Variants in NACC2 observed in about 807,000 individuals in gnomAD.
The protein encoded by NACC2 is nucleus accumbens-associated protein 2.
In NACC2, 8 loss-of-function variants were observed where a neutral mutation model predicts 25.1. That is an observed-to-expected ratio of 0.32 (90% CI 0.19 to 0.57). NACC2 has a LOEUF of 0.57. Ranked by LOEUF, NACC2 falls within the 20% of genes least tolerant of loss-of-function variation. The pLI is 0.89. For synonymous variants in NACC2, 435 were observed against 294.7 expected, an observed-to-expected ratio of 1.48 and a Z score of -4.88; for missense variants, 644 against 650.2, an observed-to-expected ratio of 0.99 and a Z score of 0.10.
intron 2 of NACC2, among the ~76,000 whole-genome samples, chr9:136,024,705 C>A (rs1215656627): frequency 6.6e-6 from 1 of 152,136 alleles, no homozygotes; most frequent in Non-Finnish European, 1.5e-5. Flanking sequence ...ACTTTTAAAA[C>A]GCCCCAGAGA....
At chr9:136,016,064 G>A (rs1205026490) in intron 3 of NACC2, among the ~76,000 whole-genome samples, 1 of 152,152 alleles carries the variant, frequency 6.6e-6, no homozygotes, top group Non-Finnish European at 1.5e-5. Flanking sequence ...ACCAGCCCAG[G>A]GGATTCAATT....
In NACC2 at chr9:136,084,429, C is replaced by T. The variant is rs981512321; in HGVS notation, c.-60+10760G>A. On this transcript the variant is annotated intron_variant, in intron 1 of 5. Transcript: ENST00000277554. This position sits in a 1 kb window ranked among gnomAD's most constrained non-coding sequence, Gnocchi z 5.1. Reference sequence around the variant, plus strand: ...TGTCCGGTCTCCGCTGGTGGGGCAACGTCCAAGAAGGCGGTATCTCTGACG... The same window carrying T: ...TGTCCGGTCTCCGCTGGTGGGGCAATGTCCAAGAAGGCGGTATCTCTGACG... Among the ~76,000 whole-genome samples, 2 of 152,148 alleles carry T rather than the reference C, an allele frequency of 1.3e-5. No homozygotes were observed. Among genetic ancestry groups the T allele is most frequent in the African/African-American group, 4.8e-5 (2 of 41,426 alleles).
chr9:136,084,592 C>T lies in NACC2; in HGVS notation c.-60+10597G>A, dbSNP rs1385974906. Among the ~76,000 whole-genome samples, 2 of 152,222 alleles carry T rather than the reference C, an allele frequency of 1.3e-5. No homozygotes were observed. The highest frequency in any genetic ancestry group is 2.9e-5 in the Non-Finnish European group (2 of 68,032). ...TGGAAAGGCCACAGAATACACCAGG[C>T]TGGAAGAGCCCAGAGACACAGCAAG... On this transcript the variant is annotated intron_variant, in intron 1 of 5. Coordinates refer to ENST00000277554, the MANE Select transcript of NACC2 (RefSeq NM_144653.5). This position sits in a 1 kb window ranked among gnomAD's most constrained non-coding sequence, Gnocchi z 5.1.
intron 1 of NACC2, among the ~76,000 whole-genome samples, chr9:136,058,160 G>A (rs990465770): frequency 1.8e-4 from 28 of 152,224 alleles, no homozygotes; most frequent in African/African-American, 6.5e-4. Context: ...GGCTGGCAAG[G>A]GGGCTGCTGG....
chr9:136,021,664 C>T (rs570058229), intron 2 of NACC2, among the ~76,000 whole-genome samples: 46 of 152,282 alleles, frequency 3.0e-4, no homozygotes, highest in African/African-American at 1.0e-3. Flanking sequence ...ACGCTTATCC[C>T]GTCTCTACTC....
chr9:136,051,607 G>T (rs886097415), intron 1 of NACC2, among the ~76,000 whole-genome samples: 10 of 152,152 alleles, frequency 6.6e-5, no homozygotes, highest in African/African-American at 2.4e-4. Flanking sequence ...GGCGGCCGCA[G>T]AGGCGCCGGG....
At chr9:136,063,131 T>G (rs1409238444) in intron 1 of NACC2, among the ~76,000 whole-genome samples, 3 of 152,226 alleles carry the variant, frequency 2.0e-5, no homozygotes, top group African/African-American at 7.2e-5. Flanking sequence ...GGGCCAGGTC[T>G]GTCGATCTGT....
intron 1 of NACC2, among the ~76,000 whole-genome samples, chr9:136,051,269 G>A (rs1840830030): frequency 2.0e-5 from 3 of 152,254 alleles, no homozygotes; most frequent in African/African-American, 4.8e-5. Context: ...CCGTTCTCCC[G>A]TGCTCTCCTG....
At chr9:136,067,267 CA>C (rs58132081) in intron 1 of NACC2, among the ~76,000 whole-genome samples, 58,246 of 93,548 alleles carry the variant, frequency 0.62, 16,286 homozygotes, top group Middle Eastern at 0.75. Flanking sequence ...AACTCTGTCT[CA>C]AAAAAAAAAA....
intron 2 of NACC2, among the ~76,000 whole-genome samples, chr9:136,047,639 G>C (rs952557604): frequency 6.6e-6 from 1 of 152,198 alleles, no homozygotes. Context: ...ACTGTACCTC[G>C]TGTGGTCTGA....
At chr9:136,012,594 C>G (rs1840127539) in intron 5 of NACC2, among the ~76,000 whole-genome samples, 1 of 151,982 alleles carries the variant, frequency 6.6e-6, no homozygotes, top group African/African-American at 2.4e-5. Context: ...CACTTGGGGA[C>G]TGTAATTCCT....
At chr9:136,030,693 G>A (rs906947007) in intron 2 of NACC2, among the ~76,000 whole-genome samples, 43 of 152,172 alleles carry the variant, frequency 2.8e-4, no homozygotes, top group African/African-American at 9.2e-4. Flanking sequence ...TGGCAGTCTC[G>A]CTCTGTCACC....
chr9:136,087,661 G>A (rs1830392408), intron 1 of NACC2, among the ~76,000 whole-genome samples: 1 of 152,232 alleles, frequency 6.6e-6, no homozygotes. Flanking sequence ...CTCACAGCGG[G>A]AAAACTGAGA....
chr9:136,071,841 A>G (rs943431407), intron 1 of NACC2, among the ~76,000 whole-genome samples: 2 of 152,198 alleles, frequency 1.3e-5, no homozygotes, highest in African/African-American at 4.8e-5. Context: ...AGGCAAAAGC[A>G]ATTCAGGGGA....
intron 1 of NACC2, among the ~76,000 whole-genome samples, chr9:136,052,948 T>C (rs1840869430): frequency 6.6e-6 from 1 of 152,244 alleles, no homozygotes; most frequent in African/African-American, 2.4e-5. Flanking sequence ...CGTGGGGCCC[T>C]GAGGCTGACC....
At position 136,022,833 on chromosome 9, in the gene NACC2, C is replaced by T. The variant is rs546882960; in HGVS notation, c.887-6404G>A. 2.0e-5 allele frequency among the ~76,000 whole-genome samples: 3 copies of T among 151,670 alleles called. No individual in the cohort carries two copies. The East Asian group carries it at 6.0e-4, about 30-fold the overall frequency. On this transcript the variant is annotated intron_variant, in intron 2 of 5. Coordinates refer to ENST00000277554, the MANE Select transcript of NACC2 (RefSeq NM_144653.5). This position sits in a 1 kb window ranked among gnomAD's most constrained non-coding sequence, Gnocchi z 4.4. ...TGCCATTCTCTCATGTGCCACAGGG[C>T]AAAGGTGCCACCAATTTAATCATGC... is the stretch of plus-strand genomic sequence containing the variant.
At chr9:136,056,648 G>C (rs1451850030) in intron 1 of NACC2, among the ~76,000 whole-genome samples, 1 of 152,254 alleles carries the variant, frequency 6.6e-6, no homozygotes, top group Non-Finnish European at 1.5e-5. Flanking sequence ...CAGGGTCACA[G>C]AGGTACGGGG....
chr9:136,024,263 CAG>C (rs1179929098), intron 2 of NACC2, among the ~76,000 whole-genome samples: 1 of 51,762 alleles, frequency 1.9e-5, no homozygotes, highest in Non-Finnish European at 3.6e-5. Context: ...TGTGTGAGGA[CAG>C]AGGGTGTGTG....
At chr9:136,016,682 CAGA>C (rs2131134932) in intron 2 of NACC2, among the ~76,000 whole-genome samples, 1 of 152,292 alleles carries the variant, frequency 6.6e-6, no homozygotes, top group African/African-American at 2.4e-5. Context: ...AACGAGTGAG[CAGA>C]AGATGTGAGG....
Sources: allele counts gnomAD v4.1 joint callset (sites outside exome capture counted in the v4.1 genomes callset), GRCh38; gene constraint gnomAD v4.1.1; non-coding constraint Gnocchi (gnomAD v3.1); transcripts MANE v1.5; gene names NCBI Gene and HGNC (gene_info 2026-07-23, HGNC 2026-07-21).